Variants in CELF2 observed in about 807,000 individuals in gnomAD.
CELF2 encodes the protein CUGBP Elav-like family member 2, also known as CUG triplet repeat RNA-binding protein 2.
Under a neutral mutation model 62.6 loss-of-function variants are expected in CELF2, and 8 were observed. The ratio of observed to expected loss-of-function variants is 0.13; its 90% CI spans 0.07 to 0.23. The LOEUF (loss-of-function observed/expected upper bound fraction) is 0.23, where lower values mean the gene tolerates loss of function less well. Ranked by LOEUF, CELF2 falls within the 10% of genes least tolerant of loss-of-function variation. The pLI, the probability that CELF2 is intolerant of heterozygous loss-of-function variation, is 1.00. For missense variants in CELF2, 333 were observed against 671.0 expected, an observed-to-expected ratio of 0.50 and a Z score of 5.56; for synonymous variants, 258 against 250.0, an observed-to-expected ratio of 1.03 and a Z score of -0.30.
At chr10:10,917,931 T>C (rs375922899) in intron 1 of CELF2, 24 of 152,198 alleles carry the variant, frequency 1.6e-4, no homozygotes, top group African/African-American at 3.9e-4. Context: ...CCCAGGAGAC[T>C]CATCATATTA....
chr10:10,940,285 T>C (rs139235357), intron 2 of CELF2, among the ~76,000 whole-genome samples: 2 of 152,214 alleles, frequency 1.3e-5, no homozygotes, highest in East Asian at 3.9e-4. Context: ...CATATGTTTA[T>C]GTTTGATTAT....
intron 1 of CELF2, among the ~76,000 whole-genome samples, chr10:10,805,572 C>T (rs1323344328): frequency 6.6e-6 from 1 of 152,110 alleles, no homozygotes; most frequent in Admixed American, 6.5e-5. Context: ...AATGGGATCA[C>T]CCTAGGGATG....
intron 1 of CELF2, among the ~76,000 whole-genome samples, chr10:10,919,657 T>C (rs1012850284): frequency 4.6e-5 from 7 of 152,224 alleles, no homozygotes; most frequent in Admixed American, 2.6e-4. Context: ...TTGTTTCTCT[T>C]TCTATTATCC....
Position 11,214,610 on chromosome 10 carries a change from C to T in CELF2, c.272-2815C>T, listed in dbSNP as rs918118947. Among the ~76,000 whole-genome samples, 3 of 152,194 alleles carry T rather than the reference C, an allele frequency of 2.0e-5. No homozygotes were observed. Among genetic ancestry groups the T allele is most frequent in the Non-Finnish European group, 2.9e-5 (2 of 68,048 alleles). On this transcript the variant is annotated intron_variant, in intron 2 of 12. Coordinates refer to ENST00000633077, the MANE Select transcript of CELF2 (RefSeq NM_001326342.2). This position sits in a 1 kb window ranked among gnomAD's most constrained non-coding sequence, Gnocchi z 4.2. ...AGGCTCCAGGCTTCCCTGCCAAACG[C>T]GGCGCCTGTGGAGCTGTGCTGGGGC...
chr10:10,764,112 C>T, the CELF2 span, among the ~76,000 whole-genome samples: 10 of 152,136 alleles, frequency 6.6e-5, no homozygotes, highest in East Asian at 7.7e-4. Context: ...AAAATTCAGA[C>T]GGGAAGGAAA....
chr10:11,240,802 T>G (rs542811424), intron 3 of CELF2, among the ~76,000 whole-genome samples: 5 of 152,196 alleles, frequency 3.3e-5, no homozygotes, highest in Non-Finnish European at 7.3e-5. Context: ...TCTTTATGTG[T>G]AGCGTGGAAG....
At chr10:10,742,865 G>T in the CELF2 span, among the ~76,000 whole-genome samples, 1 of 152,218 alleles carries the variant, frequency 6.6e-6, no homozygotes, top group Admixed American at 6.5e-5. Flanking sequence ...CAAAAGAAGA[G>T]AGTGGCATCT....
intron 1 of CELF2, among the ~76,000 whole-genome samples, chr10:10,810,314 C>G (rs534143168): frequency 6.6e-6 from 1 of 152,298 alleles, no homozygotes; most frequent in South Asian, 2.1e-4. Flanking sequence ...AGCCAACATT[C>G]ACCTGCTGAA....
intron 1 of CELF2, among the ~76,000 whole-genome samples, chr10:11,162,996 G>A (rs560140076): frequency 3.9e-5 from 6 of 152,292 alleles, no homozygotes; most frequent in South Asian, 2.1e-4. Flanking sequence ...TCCAGGCAGC[G>A]GTGAAGCATG....
At chr10:10,699,358 G>A in the CELF2 span, among the ~76,000 whole-genome samples, 3 of 152,150 alleles carry the variant, frequency 2.0e-5, no homozygotes, top group Non-Finnish European at 4.4e-5. Context: ...ACTTCTTTTT[G>A]TGCTTCCTGG....
At chr10:10,896,390 T>A (rs1303561973) in intron 1 of CELF2, among the ~76,000 whole-genome samples, 1 of 152,158 alleles carries the variant, frequency 6.6e-6, no homozygotes, top group Non-Finnish European at 1.5e-5. Flanking sequence ...TAAAAAAAGA[T>A]ACACCATGTG....
the CELF2 span, among the ~76,000 whole-genome samples, chr10:10,767,953 G>A: frequency 6.4e-5 from 7 of 110,228 alleles, no homozygotes; most frequent in Non-Finnish European, 1.2e-4. Flanking sequence ...CCGAGATCGC[G>A]CCACTGCACT....
chr10:11,247,781 C>T lies in CELF2; in HGVS notation c.355-1372C>T, dbSNP rs2076061405. Among the ~76,000 whole-genome samples, 2 of 152,182 alleles carry T rather than the reference C, an allele frequency of 1.3e-5. No individual in the cohort carries two copies. Among genetic ancestry groups the T allele is most frequent in the South Asian group, 4.1e-4 (2 of 4,830 alleles). On this transcript the variant is annotated intron_variant, in intron 3 of 12. Coordinates refer to ENST00000633077, the MANE Select transcript of CELF2 (RefSeq NM_001326342.2). The surrounding 1 kb of genome is among the most constrained non-coding windows in gnomAD (Gnocchi z 5.4). ...CTTGCTCAAAGACTCTGCCCATCTC[C>T]CCCAGGCATGTTGCTGGTCCTTCTC...
At chr10:10,930,597 C>T (rs368905446) in intron 2 of CELF2, among the ~76,000 whole-genome samples, 125 of 152,248 alleles carry the variant, frequency 8.2e-4, no homozygotes, top group African/African-American at 2.9e-3. Flanking sequence ...GAGATTTATT[C>T]ATTCTGTTTG....
the CELF2 span, among the ~76,000 whole-genome samples, chr10:10,573,826 G>T: frequency 1.4e-5 from 2 of 146,982 alleles, no homozygotes; most frequent in African/African-American, 5.5e-5. Flanking sequence ...CACATTTAAG[G>T]TGATGATTTC....
intron 1 of CELF2, among the ~76,000 whole-genome samples, chr10:10,830,760 T>C (rs1327365485): frequency 6.6e-6 from 1 of 152,142 alleles, no homozygotes; most frequent in Non-Finnish European, 1.5e-5. Flanking sequence ...ATAATTCCCA[T>C]AATTTGGCTA....
chr10:10,518,359 G>A, the CELF2 span, among the ~76,000 whole-genome samples: 1 of 152,168 alleles, frequency 6.6e-6, no homozygotes, highest in Admixed American at 6.5e-5. Flanking sequence ...CATTTTGTGT[G>A]GGACGCTGAA....
Position 11,306,320 on chromosome 10 carries a change from A to G in CELF2, c.977-7819A>G, listed in dbSNP as rs942841868. ...ACTTTTAAGTGAGAAAGCGTAGGGTACAGTTCTCAGCACAGACTGAAGGAA... is the reference window on the plus strand; with the variant it reads ...ACTTTTAAGTGAGAAAGCGTAGGGTGCAGTTCTCAGCACAGACTGAAGGAA... On this transcript the variant is annotated intron_variant, in intron 9 of 12. Coordinates refer to ENST00000633077, the MANE Select transcript of CELF2 (RefSeq NM_001326342.2). The surrounding 1 kb of genome is among the most constrained non-coding windows in gnomAD (Gnocchi z 4.4). 6.6e-6 allele frequency among the ~76,000 whole-genome samples: 1 copy of G among 152,062 alleles called. No individual in the cohort carries two copies. The highest frequency in any genetic ancestry group is 1.5e-5 in the Non-Finnish European group (1 of 67,994).
chr10:10,755,501 A>G, the CELF2 span, among the ~76,000 whole-genome samples: 1 of 152,102 alleles, frequency 6.6e-6, no homozygotes, highest in Non-Finnish European at 1.5e-5. Flanking sequence ...CGCAGTCTCT[A>G]TGGCTCTGCT....
Sources: gnomAD v4.1 joint callset for allele counts (sites outside exome capture counted in the v4.1 genomes callset) on GRCh38, gnomAD v4.1.1 for gene constraint, Gnocchi (gnomAD v3.1) non-coding constraint, MANE v1.5 for transcripts, NCBI Gene and HGNC (gene_info 2026-07-23, HGNC 2026-07-21) for gene names.